Variants in TES observed in about 807,000 individuals in gnomAD.
TES encodes testin.
TES carries 41 observed loss-of-function variants against 48.2 expected under a neutral mutation model. The observed-to-expected ratio is 0.85, with a 90% CI of 0.66 to 1.10. TES has a LOEUF of 1.10. TES is among the 50% of genes least tolerant of loss of function. The probability of loss-of-function intolerance (pLI) is 0.00; values close to 1 mark genes in which losing one functional copy is unlikely to be tolerated. For synonymous variants in TES, 162 were observed against 174.9 expected, an observed-to-expected ratio of 0.93 and a Z score of 0.58; for missense variants, 463 against 515.1, an observed-to-expected ratio of 0.90 and a Z score of 0.98.
chr7:116,252,691 A>G (rs945270823), intron 6 of TES: 10 of 604,358 alleles, frequency 1.7e-5, no homozygotes, highest in South Asian at 5.7e-5. Flanking sequence ...GAAATTTACA[A>G]TATCAATTAT....
At chr7:116,219,215 G>A (rs1306452515) in intron 1 of TES, among the ~76,000 whole-genome samples, 1 of 152,130 alleles carries the variant, frequency 6.6e-6, no homozygotes, top group East Asian at 1.9e-4. Context: ...AAGGTACCTG[G>A]CTGTGAAAAG....
At chr7:116,240,457 C>G (rs940274381) in intron 2 of TES, among the ~76,000 whole-genome samples, 4 of 152,038 alleles carry the variant, frequency 2.6e-5, no homozygotes, top group Non-Finnish European at 4.4e-5. Flanking sequence ...CGCTCTTTCT[C>G]TCTCTCTCAC....
At chr7:116,239,831 AGT>A (rs1584621719) in intron 2 of TES, among the ~76,000 whole-genome samples, 1 of 152,202 alleles carries the variant, frequency 6.6e-6, no homozygotes, top group Admixed American at 6.5e-5. Flanking sequence ...AGAGATAAAG[AGT>A]GTTTATTGAA....
rs2116629452 is a variant in TES at position 116,251,823 on chromosome 7, G to T, written c.766G>T (p.Gly256Cys). ...CCCAGCCATCTATGCCGAAAGGGCT[G>T]GCTATGATAAACTGTGGCACCCAGC... ...GDPAIYAERA[G>C]YDKLWHPACF... The change falls in exon 5 of 7, where the codon GGC becomes TGC. Residue 256 changes from glycine (G) to cysteine (C), a missense_variant. Transcript: ENST00000358204. 1 of 1,614,224 alleles carries T rather than the reference G, an allele frequency of 6.2e-7. No individual in the cohort carries two copies. Among genetic ancestry groups the T allele is most frequent in the East Asian group, 2.2e-5 (1 of 44,884 alleles).
Position 116,249,179 on chromosome 7 carries a change from T to A in TES, c.273T>A (p.Val91=). ...GAATTCCCATGTATAAACGCAATGTTATGATATTGACGAATCCAGTTGCTG... is the reference window on the plus strand; with the variant it reads ...GAATTCCCATGTATAAACGCAATGTAATGATATTGACGAATCCAGTTGCTG... ...SDGIPMYKRN[V]MILTNPVAAK... is the part of the protein sequence containing the mutation. The change falls in exon 3 of 7, where the codon GTT becomes GTA. Residue 91 remains valine (V), a synonymous_variant. Transcript: ENST00000358204. 1 of 1,614,130 alleles carries A rather than the reference T, an allele frequency of 6.2e-7. No individual in the cohort carries two copies. Among genetic ancestry groups the A allele is most frequent in the African/African-American group, 1.3e-5 (1 of 75,052 alleles).
intron 6 of TES, among the ~76,000 whole-genome samples, chr7:116,256,686 T>G (rs1249135870): frequency 6.6e-6 from 1 of 152,220 alleles, no homozygotes; most frequent in Admixed American, 6.5e-5. Flanking sequence ...TTGTAAGTAT[T>G]AATGTTCTAC....
intron 1 of TES, among the ~76,000 whole-genome samples, chr7:116,212,443 A>C (rs973544624): frequency 7.2e-5 from 11 of 152,192 alleles, no homozygotes; most frequent in Non-Finnish European, 1.3e-4. Flanking sequence ...ACTTGTAACA[A>C]ATGTACTGCA....
chr7:116,251,544 G>A (rs913382070), intron 4 of TES: 14 of 498,654 alleles, frequency 2.8e-5, no homozygotes, highest in Non-Finnish European at 4.7e-5. Context: ...TTAGCCGGGC[G>A]TGGTGGCAGG....
At chr7:116,234,466 G>A in intron 1 of TES, 68 bp from the exon 2 acceptor site, 3 of 1,369,390 alleles carry the variant, frequency 2.2e-6, no homozygotes, top group Non-Finnish European at 3.1e-6. Flanking sequence ...AATTAAAAGT[G>A]CAATTTATTG....
At chr7:116,257,194 T>C in intron 6 of TES, 100 bp from the exon 7 acceptor site, 5 of 1,295,654 alleles carry the variant, frequency 3.9e-6, no homozygotes, top group Non-Finnish European at 5.2e-6. Flanking sequence ...GTTGTCATTA[T>C]GAGTTTTAAT....
intron 2 of TES, among the ~76,000 whole-genome samples, chr7:116,238,579 A>C (rs896937468): frequency 5.2e-5 from 6 of 116,002 alleles, no homozygotes; most frequent in African/African-American, 1.6e-4. Flanking sequence ...TTAACTCAAC[A>C]TCCATCATTA....
chr7:116,252,897 C>G (rs936399188), intron 6 of TES, among the ~76,000 whole-genome samples: 1 of 152,114 alleles, frequency 6.6e-6, no homozygotes, highest in Non-Finnish European at 1.5e-5. Context: ...TTTTTGCTAC[C>G]TGGAGATTGT....
At chr7:116,228,998 CTATATATA>C (rs58514364) in intron 1 of TES, among the ~76,000 whole-genome samples, 29,177 of 109,936 alleles carry the variant, frequency 0.27, 3,996 homozygotes, top group Middle Eastern at 0.32. Context: ...GTATCTATAA[CTATATATA>C]TATATATATA....
At chr7:116,246,378 CT>C (rs750755217) in intron 2 of TES, among the ~76,000 whole-genome samples, 96 of 152,348 alleles carry the variant, frequency 6.3e-4, no homozygotes, top group Non-Finnish European at 1.0e-3. Flanking sequence ...TGTTTCACCC[CT>C]AATCCATTTA....
At chr7:116,238,623 T>C (rs1304296210) in intron 2 of TES, among the ~76,000 whole-genome samples, 1 of 151,488 alleles carries the variant, frequency 6.6e-6, no homozygotes, top group East Asian at 1.9e-4. Context: ...ATTTTTGAGA[T>C]GGGGTTTCAC....
At chr7:116,212,797 A>G (rs982629450) in intron 1 of TES, among the ~76,000 whole-genome samples, 2 of 152,164 alleles carry the variant, frequency 1.3e-5, no homozygotes, top group African/African-American at 4.8e-5. Flanking sequence ...CCCCCACTTT[A>G]CTTTTAAAAG....
intron 3 of TES, 58 bp downstream of exon 3, chr7:116,249,330 G>A (rs768827623): frequency 6.2e-7 from 1 of 1,602,744 alleles, no homozygotes; most frequent in South Asian, 1.1e-5. Flanking sequence ...TTTATTTGGG[G>A]CAGTTTCTTT....
intron 1 of TES, among the ~76,000 whole-genome samples, chr7:116,233,663 T>A (rs1189484655): frequency 6.6e-6 from 1 of 152,252 alleles, no homozygotes; most frequent in African/African-American, 2.4e-5. Flanking sequence ...TTACCTCTAT[T>A]CCTTGTGTCT....
chr7:116,217,794 G>A, intron 1 of TES: 1 of 518,220 alleles, frequency 1.9e-6, no homozygotes, highest in Non-Finnish European at 3.9e-6. Context: ...CTTTTCAACT[G>A]CCCAACTACA....
Sources: gnomAD v4.1 joint callset for allele counts (sites outside exome capture counted in the v4.1 genomes callset) on GRCh38, gnomAD v4.1.1 for gene constraint, MANE v1.5 for transcripts, NCBI Gene and HGNC (gene_info 2026-07-23, HGNC 2026-07-21) for gene names.